CSMD2: variants seen among roughly 807,000 people sequenced by gnomAD.
CSMD2 encodes CUB and Sushi multiple domains 2.
In CSMD2, 130 loss-of-function variants were observed where a neutral mutation model predicts 398.5. The observed-to-expected ratio is 0.33, with a 90% CI of 0.28 to 0.38. CSMD2 has a LOEUF of 0.38. CSMD2 is among the 10% of genes least tolerant of loss of function. The pLI is 1.00. For synonymous variants in CSMD2, 1,828 were observed against 1,908.5 expected (o/e 0.96, Z 1.10); for missense variants, 3,829 against 4,764.9 (o/e 0.80, Z 5.78).
chr1:33,547,582 T>C (rs1410648108), intron 56 of CSMD2, among the ~76,000 whole-genome samples: 1 of 152,252 alleles, frequency 6.6e-6, no homozygotes, highest in Non-Finnish European at 1.5e-5. Flanking sequence ...TTCCCTTTCC[T>C]AGTCTCGACT....
intron 1 of CSMD2, among the ~76,000 whole-genome samples, chr1:34,110,524 C>A (rs1001456280): frequency 5.9e-5 from 9 of 151,392 alleles, no homozygotes; most frequent in South Asian, 2.1e-4. Context: ...AAAAAAAAAA[C>A]CAAGATCATG....
Position 33,853,114 on chromosome 1 carries a change from C to A in CSMD2, c.921-6118G>T, listed in dbSNP as rs574214906. ...TTCATTATAATGTAAAACACTTAAG[C>A]ATACATTTATTTGCCAATCAGTTTA... is the stretch of plus-strand genomic sequence containing the variant. On this transcript the variant is annotated intron_variant, in intron 5 of 70. Coordinates refer to ENST00000373381, the MANE Select transcript of CSMD2 (RefSeq NM_001281956.2). Among the ~76,000 whole-genome samples the A allele has an allele frequency of 2.6e-5, 4 of 152,320 alleles. No homozygotes were observed. In the South Asian group the frequency reaches 8.3e-4, roughly 32 times the overall value.
At position 34,098,428 on chromosome 1, in the gene CSMD2, T is replaced by A. The variant is rs545936183; in HGVS notation, c.188-9235A>T. 5.2e-3 allele frequency among the ~76,000 whole-genome samples: 772 copies of A among 147,226 alleles called. 3 individuals carry two copies. The highest frequency in any genetic ancestry group is 0.03 in the South Asian group (140 of 4,646). On this transcript the variant is annotated intron_variant, in intron 1 of 70. Transcript: ENST00000373381. ...TAAAGTATAATAATAAAAAAATAAA[T>A]AAATAAATAAATAAATAAAAAGAAA... is the stretch of plus-strand genomic sequence containing the variant.
chr1:33,575,517 A>G (rs6698624), intron 49 of CSMD2, among the ~76,000 whole-genome samples: 55,458 of 151,856 alleles, frequency 0.37, 10,710 homozygotes, highest in African/African-American at 0.48. Flanking sequence ...TCCAGAGAAC[A>G]CAGTGGGAGG....
At chr1:34,020,123 A>T (rs1448031944) in intron 3 of CSMD2, among the ~76,000 whole-genome samples, 1 of 152,186 alleles carries the variant, frequency 6.6e-6, no homozygotes, top group African/African-American at 2.4e-5. Context: ...GTGCTGTGTT[A>T]TATACAGTGT....
At chr1:33,849,447 G>A (rs1185842010) in intron 5 of CSMD2, among the ~76,000 whole-genome samples, 2 of 152,194 alleles carry the variant, frequency 1.3e-5, no homozygotes, top group Non-Finnish European at 2.9e-5. Flanking sequence ...CTGCAAAAGA[G>A]TTTAGTGAGA....
chr1:33,635,233 A>C lies in CSMD2; in HGVS notation c.5067T>G (p.Val1689=). 2 of 1,611,970 alleles carry C rather than the reference A, an allele frequency of 1.2e-6. No individual in the cohort carries two copies. The highest frequency in any genetic ancestry group is 1.7e-6 in the Non-Finnish European group (2 of 1,178,156). Residue 1689 remains valine (V), a synonymous_variant, in exon 31 of 71, where the codon GTT becomes GTG. Coordinates refer to ENST00000373381, the MANE Select transcript of CSMD2 (RefSeq NM_001281956.2). This position sits in a 1 kb window ranked among gnomAD's most constrained non-coding sequence, Gnocchi z 5.0. ...YTSGQICLYF[V]TVPKDYVVFG... ...CCATACCATAGTCCTTGGGCACAGT[A>C]ACAAAATACAAGCAGATCTGTCCAC...
rs1029708154 is a variant in CSMD2 at position 33,999,125 on chromosome 1, T to G, written c.517+33469A>C. 2.6e-5 allele frequency among the ~76,000 whole-genome samples: 4 copies of G among 152,194 alleles called. 1 individual carries two copies. The highest frequency in any genetic ancestry group is 1.9e-4 in the East Asian group (1 of 5,190). ...TTAAGGCCCCATAAGCCAAGACTTATCTAAGTCCTTTTGTGTGAATCCAGG... is the reference window on the plus strand; with the variant it reads ...TTAAGGCCCCATAAGCCAAGACTTAGCTAAGTCCTTTTGTGTGAATCCAGG... On this transcript the variant is annotated intron_variant, in intron 3 of 70. Coordinates refer to ENST00000373381, the MANE Select transcript of CSMD2 (RefSeq NM_001281956.2).
At chr1:33,735,379 C>T (rs892367842) in intron 15 of CSMD2, among the ~76,000 whole-genome samples, 8 of 152,154 alleles carry the variant, frequency 5.3e-5, no homozygotes, top group Non-Finnish European at 4.4e-5. Flanking sequence ...TTTAAAGAGA[C>T]AAGGAAGAGG....
intron 19 of CSMD2, among the ~76,000 whole-genome samples, chr1:33,716,883 G>C (rs1646190153): frequency 6.6e-6 from 1 of 152,090 alleles, no homozygotes; most frequent in African/African-American, 2.4e-5. Context: ...TCCAGGGTTA[G>C]GTGCAAGAGG....
chr1:34,021,662 T>C (rs763029289), intron 3 of CSMD2, among the ~76,000 whole-genome samples: 1 of 152,114 alleles, frequency 6.6e-6, no homozygotes, highest in Admixed American at 6.5e-5. Flanking sequence ...AAGTGTTAAA[T>C]AGAGTTCAAT....
chr1:33,613,697 G>C (rs1641195549), intron 40 of CSMD2, among the ~76,000 whole-genome samples: 1 of 152,186 alleles, frequency 6.6e-6, no homozygotes, highest in Non-Finnish European at 1.5e-5. Context: ...GGCTATGCAG[G>C]CATAATCCCC....
rs1465315021 is a variant in CSMD2 at position 33,725,371 on chromosome 1, G to A, written c.2673C>T (p.Ile891=). The A allele has an allele frequency of 5.0e-6, 8 of 1,613,842 alleles. No homozygotes were observed. The highest frequency in any genetic ancestry group is 3.3e-5 in the Admixed American group (2 of 60,004). The change falls in exon 17 of 71, where the codon ATC becomes ATT. Residue 891 remains isoleucine, a synonymous_variant. Coordinates refer to ENST00000373381, the MANE Select transcript of CSMD2 (RefSeq NM_001281956.2). ...LFSTDKSHSD[I]GFQLRYETIT... ...CACTCTCATAGCGGAGCTGGAAGCC[G>A]ATGTCCGAGTGACTCTTGTCGGTAG...
At position 33,809,029 on chromosome 1, in the gene CSMD2, G is replaced by A. The variant is rs150542884; in HGVS notation, c.1446+1714C>T. On this transcript the variant is annotated intron_variant, in intron 10 of 70. Transcript: ENST00000373381. ...ATTCTCTAGCCATTACATGTATTAA[G>A]TCTATAGTCTAAAATCTTCAAACAA... Among the ~76,000 whole-genome samples, 354 of 150,468 alleles carry A rather than the reference G, an allele frequency of 2.4e-3. 1 individual carries two copies. Among genetic ancestry groups the A allele is most frequent in the Admixed American group, 4.0e-3 (61 of 15,104 alleles).
At chr1:33,649,755 G>T (rs951597294) in intron 28 of CSMD2, among the ~76,000 whole-genome samples, 3 of 152,210 alleles carry the variant, frequency 2.0e-5, no homozygotes, top group African/African-American at 7.2e-5. Flanking sequence ...ACCTGTTGAT[G>T]ATACTGAGGA....
Position 33,633,804 on chromosome 1 carries a change from G to C in CSMD2, c.5087-269C>G, listed in dbSNP as rs970514814. ...GCTGCACCCAAAGGTCAGGCGGGTA[G>C]AGGCGAAATGGAGCCAACTTTGTTC... is the stretch of plus-strand genomic sequence containing the variant. On this transcript the variant is annotated intron_variant, in intron 31 of 70. Transcript: ENST00000373381. This position sits in a 1 kb window ranked among gnomAD's most constrained non-coding sequence, Gnocchi z 5.0. 6.6e-6 allele frequency among the ~76,000 whole-genome samples: 1 copy of C among 152,216 alleles called. No individual in the cohort carries two copies. The highest frequency in any genetic ancestry group is 6.5e-5 in the Admixed American group (1 of 15,290).
chr1:34,130,655 A>T (rs1663253340), intron 1 of CSMD2, among the ~76,000 whole-genome samples: 1 of 152,140 alleles, frequency 6.6e-6, no homozygotes, highest in Non-Finnish European at 1.5e-5. Flanking sequence ...TGGACCAGCC[A>T]GGGATCGATT....
At chr1:33,524,764 A>G in intron 66 of CSMD2, 118 bp downstream of exon 66, 1 of 990,588 alleles carries the variant, frequency 1.0e-6, no homozygotes, top group Non-Finnish European at 1.5e-6. Flanking sequence ...CTCTTCCCTG[A>G]CCACCAGACA....
intron 2 of CSMD2, among the ~76,000 whole-genome samples, chr1:34,081,439 G>A (rs990597932): frequency 5.3e-5 from 7 of 132,522 alleles, no homozygotes; most frequent in Non-Finnish European, 9.3e-5. Flanking sequence ...CCTCTTCTTC[G>A]TCTCCCGCTT....
Sources: allele counts gnomAD v4.1 joint callset (sites outside exome capture counted in the v4.1 genomes callset), GRCh38; gene constraint gnomAD v4.1.1; non-coding constraint Gnocchi (gnomAD v3.1); transcripts MANE v1.5; gene names NCBI Gene and HGNC (gene_info 2026-07-23, HGNC 2026-07-21).